Variants in CTNNBL1 observed in about 807,000 individuals in gnomAD.
The protein encoded by CTNNBL1 is beta-catenin-like protein 1.
CTNNBL1 carries 31 observed loss-of-function variants against 72.7 expected under a neutral mutation model. The observed-to-expected ratio is 0.43, with a 90% confidence interval of 0.32 to 0.58. The LOEUF (loss-of-function observed/expected upper bound fraction) is 0.58, where lower values mean the gene tolerates loss of function less well. CTNNBL1 is among the 20% of genes least tolerant of loss of function. CTNNBL1 has a pLI of 0.08. For missense variants in CTNNBL1, 534 were observed against 725.1 expected (o/e 0.74, Z 3.03); for synonymous variants, 240 against 267.3 (o/e 0.90, Z 1.00).
intron 11 of CTNNBL1, among the ~76,000 whole-genome samples, chr20:37,815,807 T>G (rs2072052628): frequency 6.6e-6 from 1 of 152,220 alleles, no homozygotes; most frequent in Non-Finnish European, 1.5e-5. Flanking sequence ...TGTTGGCATC[T>G]AACAGAAGAT....
intron 1 of CTNNBL1, among the ~76,000 whole-genome samples, chr20:37,713,148 A>G (rs1281332524): frequency 6.6e-6 from 1 of 152,142 alleles, no homozygotes; most frequent in Non-Finnish European, 1.5e-5. Context: ...TTCTTTTTCC[A>G]TTCCCACAAA....
chr20:37,790,039 C>T (rs2073709587), intron 10 of CTNNBL1, among the ~76,000 whole-genome samples: 1 of 152,246 alleles, frequency 6.6e-6, no homozygotes, highest in South Asian at 2.1e-4. Flanking sequence ...CAGGAACCAC[C>T]AGTTTTTGTT....
At chr20:37,745,619 A>T (rs2073255396) in intron 3 of CTNNBL1, among the ~76,000 whole-genome samples, 1 of 152,224 alleles carries the variant, frequency 6.6e-6, no homozygotes. Flanking sequence ...TAGGTGGCTA[A>T]GCCAGGTTCA....
At chr20:37,838,364 G>A (rs1308004855) in intron 11 of CTNNBL1, among the ~76,000 whole-genome samples, 1 of 152,292 alleles carries the variant, frequency 6.6e-6, no homozygotes, top group East Asian at 1.9e-4. Flanking sequence ...GTGAATGAGG[G>A]TAATGTAGTA....
intron 1 of CTNNBL1, among the ~76,000 whole-genome samples, chr20:37,715,469 T>A (rs1341749108): frequency 6.6e-6 from 1 of 152,246 alleles, no homozygotes; most frequent in Non-Finnish European, 1.5e-5. Flanking sequence ...GAGGAAGCTG[T>A]AGGAGGAATT....
chr20:37,784,458 T>A (rs2073654411), intron 10 of CTNNBL1, among the ~76,000 whole-genome samples: 1 of 152,246 alleles, frequency 6.6e-6, no homozygotes, highest in Non-Finnish European at 1.5e-5. Flanking sequence ...TCATATGGTA[T>A]GTTTTAGTTT....
intron 10 of CTNNBL1, among the ~76,000 whole-genome samples, chr20:37,796,299 G>A (rs2073773588): frequency 6.6e-6 from 1 of 152,144 alleles, no homozygotes; most frequent in African/African-American, 2.4e-5. Flanking sequence ...GCTCTCTGCT[G>A]TGAACTCTAG....
intron 13 of CTNNBL1, among the ~76,000 whole-genome samples, chr20:37,843,812 C>T (rs962403315): frequency 6.6e-6 from 1 of 152,256 alleles, no homozygotes; most frequent in East Asian, 1.9e-4. Flanking sequence ...TCCCTATGAT[C>T]CCTAAACTGA....
intron 13 of CTNNBL1, among the ~76,000 whole-genome samples, chr20:37,857,818 G>A (rs4811233): frequency 6.6e-6 from 1 of 152,078 alleles, no homozygotes; most frequent in Non-Finnish European, 1.5e-5. Flanking sequence ...TATTGAGCAC[G>A]TGCCTTCTTA....
intron 11 of CTNNBL1, among the ~76,000 whole-genome samples, chr20:37,830,914 C>G (rs982801128): frequency 6.6e-6 from 1 of 152,190 alleles, no homozygotes; most frequent in East Asian, 1.9e-4. Flanking sequence ...ACGGTTTCTA[C>G]TGAGTGCATA....
At chr20:37,867,375 AGAC>A in intron 15 of CTNNBL1, among the ~76,000 whole-genome samples, 1 of 152,164 alleles carries the variant, frequency 6.6e-6, no homozygotes, top group Admixed American at 6.5e-5. Flanking sequence ...CCGCCCTGGA[AGAC>A]GACTTTTCCC....
chr20:37,860,042 A>G lies in CTNNBL1; in HGVS notation c.1530+6A>G, dbSNP rs762043910. ...GCAATGCCAATGTCCCCCAGGTAGG[A>G]GGGTCTTCCCCTGGATGGGCTTATC... is the stretch of plus-strand genomic sequence containing the variant. On this transcript the variant is annotated splice_donor_region_variant and intron_variant, in intron 14 of 15. Transcript: ENST00000361383. The G allele has an allele frequency of 5.0e-6, 8 of 1,613,946 alleles. No individual in the cohort carries two copies. The South Asian group carries it at 8.8e-5, about 18-fold the overall frequency.
chr20:37,703,756 G>A lies in CTNNBL1; in HGVS notation c.30+9604G>A, dbSNP rs1000546519. On this transcript the variant is annotated intron_variant, in intron 1 of 15. Transcript: ENST00000361383. ...TGGAACTATTTCTCAAAGATGAAAC[G>A]GCTCAAAGATGAAAGACAAGGTTCT... 4.6e-5 allele frequency among the ~76,000 whole-genome samples: 7 copies of A among 151,868 alleles called. No individual in the cohort carries two copies. In the South Asian group the frequency reaches 8.3e-4, roughly 18 times the overall value.
chr20:37,837,995 A>G (rs1387352619), intron 11 of CTNNBL1, among the ~76,000 whole-genome samples: 1 of 152,262 alleles, frequency 6.6e-6, no homozygotes, highest in Non-Finnish European at 1.5e-5. Context: ...ACTTGAGAAT[A>G]GCCATGTGAG....
intron 4 of CTNNBL1, among the ~76,000 whole-genome samples, chr20:37,747,193 C>T (rs1193343767): frequency 6.6e-6 from 1 of 152,068 alleles, no homozygotes; most frequent in Non-Finnish European, 1.5e-5. Flanking sequence ...CCCTGGCCAA[C>T]ATAGCGAAAC....
chr20:37,791,786 T>C (rs2073728361), intron 10 of CTNNBL1, among the ~76,000 whole-genome samples: 1 of 152,194 alleles, frequency 6.6e-6, no homozygotes, highest in Non-Finnish European at 1.5e-5. Context: ...TATGAGAATC[T>C]AATGCCTTAT....
At chr20:37,717,614 T>C (rs1004527861) in intron 1 of CTNNBL1, among the ~76,000 whole-genome samples, 3 of 149,138 alleles carry the variant, frequency 2.0e-5, no homozygotes, top group Non-Finnish European at 3.0e-5. Flanking sequence ...TTTTTTCTTT[T>C]CTTTTTTTTT....
chr20:37,832,239 T>C (rs563520794), intron 11 of CTNNBL1: 2 of 152,352 alleles, frequency 1.3e-5, no homozygotes, highest in African/African-American at 4.8e-5. Context: ...TTTCTGTTTT[T>C]CTCAGCAGGA....
chr20:37,798,382 C>T (rs2073796796), intron 10 of CTNNBL1, among the ~76,000 whole-genome samples: 1 of 152,218 alleles, frequency 6.6e-6, no homozygotes, highest in Admixed American at 6.5e-5. Context: ...CACAACCCCC[C>T]AGTTTTATAG....
Sources: gnomAD v4.1 joint callset for allele counts (sites outside exome capture counted in the v4.1 genomes callset) on GRCh38, gnomAD v4.1.1 for gene constraint, MANE v1.5 for transcripts, NCBI Gene and HGNC (gene_info 2026-07-23, HGNC 2026-07-21) for gene names.